Variants in DGKG observed in about 807,000 individuals in gnomAD.
DGKG encodes the protein DAG kinase gamma.
In DGKG, 78 loss-of-function variants were observed where a neutral mutation model predicts 105.3. That is an observed-to-expected ratio of 0.74 (90% CI 0.62 to 0.89). DGKG has a LOEUF of 0.89. DGKG is among the 40% of genes least tolerant of loss of function. The pLI, the probability that DGKG is intolerant of heterozygous loss-of-function variation, is 0.00. For synonymous variants in DGKG, 346 were observed against 367.1 expected (o/e 0.94, Z 0.66); for missense variants, 958 against 1,020.1 (o/e 0.94, Z 0.83).
At chr3:186,347,848 G>A (rs954561625) in intron 1 of DGKG, among the ~76,000 whole-genome samples, 3 of 152,124 alleles carry the variant, frequency 2.0e-5, no homozygotes, top group South Asian at 2.1e-4. Context: ...CTCCTGAAGC[G>A]CTGGGATTAC....
At chr3:186,277,727 C>T (rs1014924518) in intron 9 of DGKG, among the ~76,000 whole-genome samples, 2 of 152,170 alleles carry the variant, frequency 1.3e-5, no homozygotes, top group Non-Finnish European at 2.9e-5. Flanking sequence ...TGGCTCTTTC[C>T]TTTCCACATG....
In DGKG at chr3:186,284,772, T is replaced by C. The variant is rs1560133585; in HGVS notation, c.545-63A>G. On this transcript the variant is annotated intron_variant, in intron 6 of 24. Coordinates refer to ENST00000265022, the MANE Select transcript of DGKG (RefSeq NM_001346.3). This position sits in a 1 kb window ranked among gnomAD's most constrained non-coding sequence, Gnocchi z 4.0. The stretch of plus-strand genomic sequence containing the variant: ...TAAGAAGCGCGGATGGCTGAAGTTT[T>C]GATGCTGCCAGGTTTTTAGATTAGT... 4.3e-6 allele frequency: 6 copies of C among 1,380,014 alleles called. No homozygotes were observed. Among genetic ancestry groups the C allele is most frequent in the Non-Finnish European group, 6.2e-6 (6 of 968,652 alleles). The allele number at this position is 1,380,014 out of a possible 1,614,324, so 85.5% of individuals were successfully genotyped here.
Position 186,147,673 on chromosome 3 carries a change from G to A in DGKG, c.*2417C>T, listed in dbSNP as rs1245925983. 1.0e-6 allele frequency: 1 copy of A among 985,310 alleles called. No homozygotes were observed. The highest frequency in any genetic ancestry group is 1.2e-6 in the Non-Finnish European group (1 of 829,940). The allele number at this position is 985,310 out of a possible 1,614,324, so 61.0% of individuals were successfully genotyped here. ...GCCATTTTCTGCACTGCCCCTTCATGAGACCTGTGAGTCTCTGAGAATCAA... is the reference window on the plus strand; with the variant it reads ...GCCATTTTCTGCACTGCCCCTTCATAAGACCTGTGAGTCTCTGAGAATCAA... On this transcript the variant is annotated 3_prime_UTR_variant, in exon 25 of 25. Coordinates refer to ENST00000265022, the MANE Select transcript of DGKG (RefSeq NM_001346.3).
intron 21 of DGKG, among the ~76,000 whole-genome samples, chr3:186,189,934 CTAGA>C (rs1717825475): frequency 6.6e-6 from 1 of 152,130 alleles, no homozygotes; most frequent in African/African-American, 2.4e-5. Context: ...AGGCCACCCC[CTAGA>C]TAGATGATGA....
At position 186,298,188 on chromosome 3, in the gene DGKG, G is replaced by A. The variant is rs1166651610; in HGVS notation, c.186C>T (p.Tyr62=). Residue 62 remains tyrosine, a synonymous_variant, in exon 4 of 25, where the codon TAC becomes TAT. Coordinates refer to ENST00000265022, the MANE Select transcript of DGKG (RefSeq NM_001346.3). ...GTGGCTGGGGAAGGTCCACCTCCAG[G>A]TACGCCCTCATGAACAGCTTGAAGA... ...YDVFKLFMRA[Y]LEVDLPQPLS... is the part of the protein sequence containing the mutation. The A allele has an allele frequency of 6.2e-7, 1 of 1,613,332 alleles. No homozygotes were observed. Among genetic ancestry groups the A allele is most frequent in the South Asian group, 1.1e-5 (1 of 90,910 alleles).
At chr3:186,234,674 C>T (rs1026345928) in intron 20 of DGKG, among the ~76,000 whole-genome samples, 5 of 152,152 alleles carry the variant, frequency 3.3e-5, no homozygotes, top group Admixed American at 1.3e-4. Context: ...CAGAAAGAAA[C>T]GGTTCTGGCC....
At chr3:186,259,589 C>A (rs988908260) in intron 16 of DGKG, among the ~76,000 whole-genome samples, 1 of 152,188 alleles carries the variant, frequency 6.6e-6, no homozygotes, top group Non-Finnish European at 1.5e-5. Context: ...ACTCCAACCT[C>A]TCTGAGGGGT....
chr3:186,295,076 A>C (rs1346645718), intron 5 of DGKG, among the ~76,000 whole-genome samples: 2 of 152,156 alleles, frequency 1.3e-5, no homozygotes, highest in African/African-American at 4.8e-5. Flanking sequence ...TAATCCTTCC[A>C]GTTTCTCTTT....
chr3:186,217,266 A>G (rs1175351516), intron 20 of DGKG, among the ~76,000 whole-genome samples: 1 of 152,068 alleles, frequency 6.6e-6, no homozygotes, highest in Non-Finnish European at 1.5e-5. Flanking sequence ...TCTTTGGCCC[A>G]CCATTTTTTT....
At chr3:186,159,066 A>T in intron 24 of DGKG, 1 of 192,334 alleles carries the variant, frequency 5.2e-6, no homozygotes, top group Non-Finnish European at 9.5e-6. Flanking sequence ...TTGGATTTTC[A>T]TTTTTAACTC....
At chr3:186,198,851 A>C (rs754532292) in intron 21 of DGKG, among the ~76,000 whole-genome samples, 1 of 152,254 alleles carries the variant, frequency 6.6e-6, no homozygotes, top group African/African-American at 2.4e-5. Context: ...GCAGAGAAAA[A>C]CTAGAGAGAA....
chr3:186,344,620 C>A (rs999733665), intron 1 of DGKG, among the ~76,000 whole-genome samples: 7 of 152,010 alleles, frequency 4.6e-5, no homozygotes, highest in African/African-American at 1.4e-4. Context: ...AGGAGATGAG[C>A]AGGAAAGATA....
Position 186,149,145 on chromosome 3 carries a change from T to A in DGKG, c.*945A>T. 1.0e-6 allele frequency: 1 copy of A among 984,948 alleles called. No individual in the cohort carries two copies. The highest frequency in any genetic ancestry group is 1.2e-6 in the Non-Finnish European group (1 of 829,788). 61.0% of individuals were successfully genotyped at this position (984,948 alleles called of 1,614,324 possible). On this transcript the variant is annotated 3_prime_UTR_variant, in exon 25 of 25. Coordinates refer to ENST00000265022, the MANE Select transcript of DGKG (RefSeq NM_001346.3). ...CCCCAGCAAAGTTCCTTCCTTCCCA[T>A]CTTTTCTGCCTTCAGGAATAGTCTG...
At chr3:186,331,503 G>A (rs1047534687) in intron 1 of DGKG, among the ~76,000 whole-genome samples, 1 of 152,218 alleles carries the variant, frequency 6.6e-6, no homozygotes, top group East Asian at 1.9e-4. Flanking sequence ...AGAATTCAGA[G>A]AGGATTTTCA....
intron 16 of DGKG, among the ~76,000 whole-genome samples, chr3:186,258,480 C>T (rs1193218448): frequency 6.6e-6 from 1 of 152,118 alleles, no homozygotes; most frequent in Non-Finnish European, 1.5e-5. Flanking sequence ...ATTCAGAGGG[C>T]CATTAACTTG....
intron 22 of DGKG, among the ~76,000 whole-genome samples, chr3:186,185,219 T>C (rs1331280126): frequency 6.6e-6 from 1 of 152,168 alleles, no homozygotes; most frequent in East Asian, 1.9e-4. Context: ...CATGAGATCA[T>C]AGCCCTTTCA....
At chr3:186,160,355 G>A (rs921236965) in intron 24 of DGKG, 1 of 985,368 alleles carries the variant, frequency 1.0e-6, no homozygotes, top group Non-Finnish European at 1.2e-6. Flanking sequence ...AGGGGGGTTG[G>A]AGATAAAAGG....
At chr3:186,167,484 C>T (rs1578612955) in intron 22 of DGKG, among the ~76,000 whole-genome samples, 1 of 152,310 alleles carries the variant, frequency 6.6e-6, no homozygotes, top group Non-Finnish European at 1.5e-5. Context: ...TCTGGCATCA[C>T]TTAATCCCCT....
In DGKG at chr3:186,148,640, T is replaced by C. The variant is rs113865525; in HGVS notation, c.*1450A>G. On this transcript the variant is annotated 3_prime_UTR_variant, in exon 25 of 25. Transcript: ENST00000265022. ...AACGGCACCTACTCTCAAGCTGCAT[T>C]AGCCAAGACACCATGGAAAAGTCTC... 11 of 985,414 alleles carry C rather than the reference T, an allele frequency of 1.1e-5. No homozygotes were observed. In the African/African-American group the frequency reaches 1.7e-4, roughly 16 times the overall value. 61.0% of individuals were successfully genotyped at this position (985,414 alleles called of 1,614,324 possible). A position where few individuals can be genotyped will look rare whatever the true frequency, so the allele number is the denominator to read the frequency against.
Sources: gnomAD v4.1 joint callset for allele counts (sites outside exome capture counted in the v4.1 genomes callset) on GRCh38, gnomAD v4.1.1 for gene constraint, Gnocchi (gnomAD v3.1) non-coding constraint, MANE v1.5 for transcripts, NCBI Gene and HGNC (gene_info 2026-07-23, HGNC 2026-07-21) for gene names.